The following TNRC6C variants were observed in gnomAD, a reference collection of about 807,000 sequenced individuals.
TNRC6C encodes the protein trinucleotide repeat containing adaptor 6C.
In TNRC6C, 20 loss-of-function variants were observed where a neutral mutation model predicts 153.7. That is an observed-to-expected ratio of 0.13 (90% CI 0.09 to 0.19). The LOEUF (loss-of-function observed/expected upper bound fraction) is 0.19, where lower values mean the gene tolerates loss of function less well. Among genes scored for constraint, TNRC6C ranks in the 10% least tolerant of loss-of-function variants. TNRC6C has a pLI of 1.00. For missense variants in TNRC6C, 1,987 were observed against 2,172.0 expected (o/e 0.91, Z 1.69); for synonymous variants, 811 against 841.4 (o/e 0.96, Z 0.63).
intron 7 of TNRC6C, among the ~76,000 whole-genome samples, chr17:78,073,733 A>G (rs1481992718): frequency 6.6e-6 from 1 of 152,186 alleles, no homozygotes; most frequent in Non-Finnish European, 1.5e-5. Context: ...CAATCAATAT[A>G]TAACCTTGTT....
At chr17:78,025,091 A>G (rs2071914490) in intron 1 of TNRC6C, among the ~76,000 whole-genome samples, 2 of 152,126 alleles carry the variant, frequency 1.3e-5, no homozygotes, top group African/African-American at 2.4e-5. Flanking sequence ...GCGCCCGGCC[A>G]ATACATTATT....
At chr17:78,033,821 CCAAA>C (rs1246162011) in intron 2 of TNRC6C, among the ~76,000 whole-genome samples, 1 of 152,048 alleles carries the variant, frequency 6.6e-6, no homozygotes, top group Non-Finnish European at 1.5e-5. Flanking sequence ...TTCTTGACTC[CCAAA>C]CAAAAATCTT....
At chr17:77,969,985 G>A (rs1429002248) in intron 1 of TNRC6C, among the ~76,000 whole-genome samples, 1 of 152,146 alleles carries the variant, frequency 6.6e-6, no homozygotes, top group Non-Finnish European at 1.5e-5. Context: ...ACTCATGTAA[G>A]AGCAGCATAT....
chr17:77,984,536 G>T (rs1261806185), intron 1 of TNRC6C, among the ~76,000 whole-genome samples: 2 of 152,088 alleles, frequency 1.3e-5, no homozygotes, highest in African/African-American at 2.4e-5. Context: ...GAAGTAGGGG[G>T]TATCTCTCCA....
At chr17:78,004,916 G>T, upstream of TNRC6C, 1 of 618,130 alleles carries the variant, frequency 1.6e-6, no homozygotes, top group Admixed American at 4.4e-5. Context: ...CTAATAAATT[G>T]TAATAAATTA....
At chr17:77,974,406 G>A (rs2070969283) in intron 1 of TNRC6C, among the ~76,000 whole-genome samples, 1 of 151,858 alleles carries the variant, frequency 6.6e-6, no homozygotes, top group African/African-American at 2.4e-5. Flanking sequence ...TCTTTTGTTG[G>A]CATAAAGTTG....
intron 2 of TNRC6C, among the ~76,000 whole-genome samples, chr17:78,040,657 C>T (rs2072272748): frequency 6.6e-6 from 1 of 152,124 alleles, no homozygotes. Flanking sequence ...GGCAAAATGC[C>T]GTTATTCTTT....
chr17:78,025,850 G>A (rs532187621), intron 1 of TNRC6C, among the ~76,000 whole-genome samples: 196 of 152,234 alleles, frequency 1.3e-3, no homozygotes, highest in African/African-American at 4.3e-3. Flanking sequence ...ATAGGGAAGA[G>A]GAAATCCGTG....
chr17:78,023,687 TC>T (rs2071879323), intron 1 of TNRC6C, among the ~76,000 whole-genome samples: 1 of 152,080 alleles, frequency 6.6e-6, no homozygotes, highest in Non-Finnish European at 1.5e-5. Flanking sequence ...ACATCTGTCG[TC>T]CTAGCCACTT....
At chr17:78,095,428 G>A (rs2073467741) in intron 16 of TNRC6C, among the ~76,000 whole-genome samples, 1 of 152,248 alleles carries the variant, frequency 6.6e-6, no homozygotes, top group Admixed American at 6.5e-5. Context: ...GGCATCTCCA[G>A]CCCTGAGCCT....
intron 1 of TNRC6C, among the ~76,000 whole-genome samples, chr17:77,968,378 G>C (rs1026793109): frequency 6.6e-6 from 1 of 150,870 alleles, no homozygotes; most frequent in Non-Finnish European, 1.5e-5. Context: ...GTCTTGTTCT[G>C]TCGCCCAGAC....
chr17:78,043,957 A>G (rs949915067), intron 2 of TNRC6C, among the ~76,000 whole-genome samples: 2 of 152,134 alleles, frequency 1.3e-5, no homozygotes, highest in South Asian at 2.1e-4. Context: ...TTCTTTATTC[A>G]TCTGTTTATG....
At chr17:77,988,906 T>TAAACACACA (rs2071210637) in intron 1 of TNRC6C, among the ~76,000 whole-genome samples, 1 of 152,224 alleles carries the variant, frequency 6.6e-6, no homozygotes, top group African/African-American at 2.4e-5. Flanking sequence ...TACTGCCATT[T>TAAACACACA]TCTAAAATGT....
At position 78,104,475 on chromosome 17, in the gene TNRC6C, G is replaced by A; in HGVS notation, c.4713-10G>A. 1 of 1,482,356 alleles carries A rather than the reference G, an allele frequency of 6.7e-7. No individual in the cohort carries two copies. The highest frequency in any genetic ancestry group is 9.0e-7 in the Non-Finnish European group (1 of 1,113,192). 91.8% of individuals were successfully genotyped at this position (1,482,356 alleles called of 1,614,324 possible). A position where few individuals can be genotyped will look rare whatever the true frequency, so the allele number is the denominator to read the frequency against. ...TGGCCCTGTTCACGTGCCCCATCTT[G>A]CTGTTGCAGGTGCGTCCTGGGAAAC... On this transcript the variant is annotated splice_polypyrimidine_tract_variant and intron_variant, in intron 19 of 19. Transcript: ENST00000301624. The surrounding 1 kb of genome is among the most constrained non-coding windows in gnomAD (Gnocchi z 6.2).
intron 18 of TNRC6C, among the ~76,000 whole-genome samples, chr17:78,103,041 C>T (rs942146568): frequency 2.0e-5 from 3 of 152,184 alleles, no homozygotes; most frequent in Non-Finnish European, 2.9e-5. Context: ...AGTCCCTTCC[C>T]GGGACCCAGG....
intron 11 of TNRC6C, among the ~76,000 whole-genome samples, chr17:78,084,718 T>C (rs1157622248): frequency 6.6e-6 from 1 of 151,100 alleles, no homozygotes; most frequent in Non-Finnish European, 1.5e-5. Context: ...AGCCTCTGCC[T>C]TGTGGGTTCA....
At position 78,102,924 on chromosome 17, in the gene TNRC6C, C is replaced by T. The variant is rs918323193; in HGVS notation, c.4572+380C>T. 1.2e-5 allele frequency: 3 copies of T among 242,992 alleles called. No individual in the cohort carries two copies. The Admixed American group carries it at 1.6e-4, about 13-fold the overall frequency. 15.1% of individuals were successfully genotyped at this position (242,992 alleles called of 1,614,324 possible). On this transcript the variant is annotated intron_variant, in intron 18 of 19. Coordinates refer to ENST00000301624, the Ensembl canonical transcript of TNRC6C. The stretch of plus-strand genomic sequence containing the variant: ...AGGCCGAGGCCAGGGATCACCTGAG[C>T]CCAAGAGTTGGAGACCAGCCTGGGC...
At chr17:78,017,504 T>C (rs2071750150) in intron 1 of TNRC6C, among the ~76,000 whole-genome samples, 1 of 152,240 alleles carries the variant, frequency 6.6e-6, no homozygotes, top group Non-Finnish European at 1.5e-5. Context: ...CTTGAAGTGC[T>C]TGTTGAGCTT....
chr17:78,066,388 T>C (rs1358768265), intron 4 of TNRC6C: 1 of 152,214 alleles, frequency 6.6e-6, no homozygotes, highest in Non-Finnish European at 1.5e-5. Context: ...TACTCGATAG[T>C]ATGTTCCATA....
Sources: gnomAD v4.1 joint callset for allele counts (sites outside exome capture counted in the v4.1 genomes callset) on GRCh38, gnomAD v4.1.1 for gene constraint, Gnocchi (gnomAD v3.1) non-coding constraint, MANE v1.5 for transcripts, NCBI Gene and HGNC (gene_info 2026-07-23, HGNC 2026-07-21) for gene names.